Variants in GSN observed in about 807,000 individuals in gnomAD.
GSN encodes the protein gelsolin.
In GSN, 56 loss-of-function variants were observed where a neutral mutation model predicts 85.7. That is an observed-to-expected ratio of 0.65 (90% CI 0.53 to 0.82). GSN has a LOEUF of 0.82. Ranked by LOEUF, GSN falls within the 40% of genes least tolerant of loss-of-function variation. The pLI is 0.00. For synonymous variants in GSN, 373 were observed against 399.1 expected (o/e 0.93, Z 0.78); for missense variants, 857 against 979.8 (o/e 0.87, Z 1.67).
intron 6 of GSN, among the ~76,000 whole-genome samples, chr9:121,259,796 T>C (rs943649555): frequency 3.3e-5 from 5 of 152,210 alleles, no homozygotes; most frequent in African/African-American, 1.2e-4. Flanking sequence ...TGTATTAATA[T>C]TTTATGCCAT....
intron 6 of GSN, among the ~76,000 whole-genome samples, chr9:121,254,465 C>T (rs534460288): frequency 1.6e-4 from 25 of 152,332 alleles, no homozygotes; most frequent in African/African-American, 5.5e-4. Context: ...ACTCCTGTCT[C>T]CGGGGTCCAC....
intron 4 of GSN, among the ~76,000 whole-genome samples, chr9:121,218,327 G>A (rs1391849405): frequency 6.6e-6 from 1 of 152,200 alleles, no homozygotes; most frequent in Non-Finnish European, 1.5e-5. Flanking sequence ...TGGGGCAAGA[G>A]GAAGCTTTTA....
chr9:121,324,751 GTCCATCCATCCATCCATCCATCCA>G, intron 12 of GSN, 107 bp downstream of exon 12: 2 of 679,482 alleles, frequency 2.9e-6, no homozygotes, highest in Non-Finnish European at 5.4e-6. Context: ...CTGTCTGTCT[GTCCATCCATCCATCCATCCATCCA>G]TCCATCCATC....
At chr9:121,234,428 A>T (rs1002368792) in intron 5 of GSN, among the ~76,000 whole-genome samples, 1 of 152,188 alleles carries the variant, frequency 6.6e-6, no homozygotes, top group African/African-American at 2.4e-5. Context: ...GCAAGCAGTT[A>T]TCTCCCCATG....
intron 2 of GSN, among the ~76,000 whole-genome samples, chr9:121,209,996 G>A (rs181626590): frequency 1.5e-4 from 23 of 152,218 alleles, no homozygotes; most frequent in East Asian, 3.9e-4. Flanking sequence ...ATACACGCAC[G>A]CATACATGCA....
At chr9:121,268,136 A>G (rs1000162310), upstream of GSN, 1 of 147,606 alleles carries the variant, frequency 6.8e-6, no homozygotes, top group African/African-American at 2.5e-5. Flanking sequence ...GGCCGCGCGC[A>G]CCACAACGCC....
rs900965009 is a variant in GSN at position 121,329,871 on chromosome 9, G to A, written c.1965+556G>A. ...TTTATGTTTGAGATGCTGGGATAGA[G>A]CAATGAATAAAGTAGGCATTTTCCT... On this transcript the variant is annotated intron_variant, in intron 16 of 17. Coordinates refer to ENST00000432226, the MANE Select transcript of GSN (RefSeq NM_198252.3). The surrounding 1 kb of genome is among the most constrained non-coding windows in gnomAD (Gnocchi z 4.6). Among the ~76,000 whole-genome samples, 2 of 152,220 alleles carry A rather than the reference G, an allele frequency of 1.3e-5. No individual in the cohort carries two copies. The highest frequency in any genetic ancestry group is 1.5e-5 in the Non-Finnish European group (1 of 68,036).
rs185181181 is a variant in GSN at position 121,253,383 on chromosome 9, C to T, written c.-341+5060C>T. On this transcript the variant is annotated intron_variant, in intron 6 of 24. Coordinates refer to the GSN transcript ENST00000373823. ...TTGTCTCCTCTCAGGAGGGTTTGAG[C>T]TTGTTCAGTTCAGCTCCCATATTTC... Among the ~76,000 whole-genome samples, 35 of 152,322 alleles carry T rather than the reference C, an allele frequency of 2.3e-4. No individual in the cohort carries two copies. The East Asian group carries it at 2.5e-3, about 11-fold the overall frequency.
At chr9:121,209,766 A>G (rs1182879177) in intron 2 of GSN, among the ~76,000 whole-genome samples, 1 of 152,246 alleles carries the variant, frequency 6.6e-6, no homozygotes, top group Non-Finnish European at 1.5e-5. Flanking sequence ...CCAAGAGCCA[A>G]TACATAGCTC....
chr9:121,327,243 G>T, intron 13 of GSN, 65 bp from the exon 14 acceptor site: 1 of 1,315,258 alleles, frequency 7.6e-7, no homozygotes, highest in African/African-American at 1.4e-5. Flanking sequence ...GGGTCTCCTG[G>T]GCTGTGAGGA....
chr9:121,271,122 C>T (rs2132372455), intron 1 of GSN, among the ~76,000 whole-genome samples: 1 of 152,324 alleles, frequency 6.6e-6, no homozygotes, highest in East Asian at 1.9e-4. Context: ...GCAGTTCCAG[C>T]ATTTTGGGAG....
chr9:121,303,177 G>A, intron 4 of GSN, 112 bp downstream of exon 4: 1 of 1,049,928 alleles, frequency 9.5e-7, no homozygotes, highest in South Asian at 1.3e-5. Flanking sequence ...ACCGATCAGA[G>A]GTCAGGCTTT....
chr9:121,212,157 T>TA lies in GSN; in HGVS notation c.-528+1297dup, dbSNP rs750819160. On this transcript the variant is annotated intron_variant, in intron 4 of 24. Transcript: ENST00000373823. ...TTTTAACTGAGCCCTCATAATGCGA[T>TA]AAAAAAACATAACAAAACAGATATC... 1.1e-3 allele frequency among the ~76,000 whole-genome samples: 162 copies of TA among 152,152 alleles called. 1 individual carries two copies. The highest frequency in any genetic ancestry group is 2.0e-3 in the Non-Finnish European group (133 of 67,984).
At position 121,329,185 on chromosome 9, in the gene GSN, G is replaced by A; in HGVS notation, c.1888-53G>A. ...CTCCCTCAGGGGGCAGATAAAGGAAGGCCACCCAGGGGAGGGAAGACATCT... is the reference window on the plus strand; with the variant it reads ...CTCCCTCAGGGGGCAGATAAAGGAAAGCCACCCAGGGGAGGGAAGACATCT... On this transcript the variant is annotated intron_variant, in intron 15 of 17. Transcript: ENST00000432226. The surrounding 1 kb of genome is among the most constrained non-coding windows in gnomAD (Gnocchi z 4.6). 1 of 1,491,208 alleles carries A rather than the reference G, an allele frequency of 6.7e-7. No homozygotes were observed. Among genetic ancestry groups the A allele is most frequent in the Non-Finnish European group, 9.4e-7 (1 of 1,068,882 alleles). 92.4% of individuals were successfully genotyped at this position (1,491,208 alleles called of 1,614,324 possible).
intron 2 of GSN, 177 bp from the exon 3 acceptor site, chr9:121,301,786 C>G: frequency 1.1e-6 from 1 of 901,572 alleles, no homozygotes; most frequent in East Asian, 2.6e-5. Context: ...AACTCTTGCC[C>G]TGTTTGCTGA....
upstream of GSN, among the ~76,000 whole-genome samples, chr9:121,206,337 T>G (rs1368007629): frequency 6.6e-6 from 1 of 152,116 alleles, no homozygotes; most frequent in Non-Finnish European, 1.5e-5. Context: ...CTTCAAAATT[T>G]AGTAGGTTGA....
In GSN at chr9:121,324,751, G is replaced by GTCTGTCCA. The variant is rs1554823075; in HGVS notation, c.1416+109_1416+110insTGTCCATC. ...CATTCGTTTGTCCATCTGTCTGTCT[G>GTCTGTCCA]TCCATCCATCCATCCATCCATCCAT... On this transcript the variant is annotated intron_variant, in intron 12 of 17. Transcript: ENST00000432226. 9 of 679,524 alleles carry GTCTGTCCA rather than the reference G, an allele frequency of 1.3e-5. No homozygotes were observed. The South Asian group carries it at 1.4e-4, about 10-fold the overall frequency. 42.1% of individuals were successfully genotyped at this position (679,524 alleles called of 1,614,324 possible).
intron 1 of GSN, among the ~76,000 whole-genome samples, chr9:121,272,990 C>G (rs1457254639): frequency 6.6e-6 from 1 of 152,202 alleles, no homozygotes; most frequent in Non-Finnish European, 1.5e-5. Context: ...CTGCTCCTCC[C>G]TCCTCCCTTG....
chr9:121,273,654 TTGTC>T (rs138304971), intron 1 of GSN, among the ~76,000 whole-genome samples: 1 of 152,336 alleles, frequency 6.6e-6, no homozygotes, highest in African/African-American at 2.4e-5. Context: ...ATATTTATAA[TTGTC>T]TGTTCTGACT....
Sources: allele counts gnomAD v4.1 joint callset (sites outside exome capture counted in the v4.1 genomes callset), GRCh38; gene constraint gnomAD v4.1.1; non-coding constraint Gnocchi (gnomAD v3.1); transcripts MANE v1.5; gene names NCBI Gene and HGNC (gene_info 2026-07-23, HGNC 2026-07-21).